The following CYP4F22 variants were observed in gnomAD, a reference collection of about 807,000 sequenced individuals.
CYP4F22 encodes the protein cytochrome P450 family 4 subfamily F member 22.
CYP4F22 carries 37 observed loss-of-function variants against 60.4 expected under a neutral mutation model. The observed-to-expected ratio is 0.61, with a 90% confidence interval of 0.47 to 0.81. The LOEUF (loss-of-function observed/expected upper bound fraction) is 0.81. Among genes scored for constraint, CYP4F22 ranks in the 30% least tolerant of loss-of-function variants. The pLI, the probability that CYP4F22 is intolerant of heterozygous loss-of-function variation, is 0.00. For missense variants in CYP4F22, 655 were observed against 715.0 expected (o/e 0.92, Z 0.96); for synonymous variants, 258 against 280.5 (o/e 0.92, Z 0.80).
At chr19:15,549,025 G>T in intron 11 of CYP4F22, 113 bp from the exon 12 acceptor site, 1 of 1,124,482 alleles carries the variant, frequency 8.9e-7, no homozygotes. Flanking sequence ...GACAGAAGGT[G>T]GTGGCAGATG....
intron 1 of CYP4F22, among the ~76,000 whole-genome samples, chr19:15,517,729 A>G (rs1599789529): frequency 6.6e-6 from 1 of 152,208 alleles, no homozygotes; most frequent in Non-Finnish European, 1.5e-5. Flanking sequence ...AGTGAAAATC[A>G]TCACACATAA....
At chr19:15,508,878 C>T (rs552034210) in intron 1 of CYP4F22, among the ~76,000 whole-genome samples, 1 of 150,688 alleles carries the variant, frequency 6.6e-6, no homozygotes, top group Admixed American at 6.6e-5. Flanking sequence ...ATCCTTTTCT[C>T]TGGGTATCTG....
At chr19:15,550,538 T>C in intron 12 of CYP4F22, 136 bp from the exon 13 acceptor site, 1 of 807,170 alleles carries the variant, frequency 1.2e-6, no homozygotes, top group East Asian at 2.6e-5. Flanking sequence ...TTGCAGGAAG[T>C]GCAAGGTGGA....
chr19:15,509,904 C>CTTTCCTTCCTTCTTTCTTTCTTTCTTT (rs1555725971), intron 1 of CYP4F22, among the ~76,000 whole-genome samples: 78 of 86,758 alleles, frequency 9.0e-4, no homozygotes, highest in Non-Finnish European at 1.2e-3. Flanking sequence ...TTCCTTCCTT[C>CTTTCCTTCCTTCTTTCTTTCTTTCTTT]CTTTCTTTCT....
chr19:15,540,744 G>GT (rs1360313794), intron 8 of CYP4F22, 27 bp downstream of exon 8: 2 of 1,467,980 alleles, frequency 1.4e-6, no homozygotes, highest in Admixed American at 2.2e-5. Context: ...TGGAATTGCT[G>GT]GCCTCCCGAG....
intron 1 of CYP4F22, among the ~76,000 whole-genome samples, chr19:15,512,259 T>C (rs905854846): frequency 1.3e-5 from 2 of 152,170 alleles, no homozygotes; most frequent in African/African-American, 4.8e-5. Flanking sequence ...CCAAGGCTGC[T>C]AACCTAGGGA....
At chr19:15,535,535 A>G (rs1311522437) in intron 4 of CYP4F22, among the ~76,000 whole-genome samples, 2 of 152,196 alleles carry the variant, frequency 1.3e-5, no homozygotes, top group Admixed American at 6.5e-5. Context: ...TCTGTTCAGT[A>G]TATAGAAGGA....
intron 4 of CYP4F22, among the ~76,000 whole-genome samples, chr19:15,536,463 G>A (rs1971395879): frequency 6.6e-6 from 1 of 152,136 alleles, no homozygotes; most frequent in African/African-American, 2.4e-5. Context: ...AAAATGGGCT[G>A]GTATGTGAGG....
At chr19:15,522,098 C>T (rs1194989116) in intron 1 of CYP4F22, among the ~76,000 whole-genome samples, 2 of 148,212 alleles carry the variant, frequency 1.3e-5, no homozygotes, top group South Asian at 4.3e-4. Flanking sequence ...TGAGCTGAGA[C>T]TGTGCCACTG....
intron 1 of CYP4F22, among the ~76,000 whole-genome samples, chr19:15,516,382 A>T (rs1490299730): frequency 6.6e-6 from 1 of 152,154 alleles, no homozygotes; most frequent in East Asian, 1.9e-4. Flanking sequence ...GAAAGTTTTA[A>T]ATTATTAGCC....
chr19:15,528,193 C>G (rs935682090), intron 3 of CYP4F22, among the ~76,000 whole-genome samples: 4 of 152,170 alleles, frequency 2.6e-5, no homozygotes, highest in Admixed American at 2.0e-4. Context: ...TGGCTCACAC[C>G]TGCAATCCCA....
chr19:15,547,018 GTTTTTTT>G (rs71176432), intron 10 of CYP4F22, among the ~76,000 whole-genome samples: 4 of 82,330 alleles, frequency 4.9e-5, no homozygotes, highest in South Asian at 5.3e-4. Flanking sequence ...GCCTGCACCA[GTTTTTTT>G]TTTTTTTTTT....
At chr19:15,513,091 G>A (rs4809195) in intron 1 of CYP4F22, among the ~76,000 whole-genome samples, 127,637 of 151,936 alleles carry the variant, frequency 0.84, 53,661 homozygotes, top group Middle Eastern at 0.93. Flanking sequence ...CAGTGTAAAC[G>A]ATGAATGGAG....
intron 2 of CYP4F22, 92 bp from the exon 3 acceptor site, chr19:15,525,244 G>A: frequency 7.8e-7 from 1 of 1,274,646 alleles, no homozygotes; most frequent in South Asian, 1.3e-5. Context: ...CACGTGTGCT[G>A]GGAACCTTCT....
chr19:15,544,304 A>T, intron 10 of CYP4F22, 25 bp downstream of exon 10: 2 of 1,609,320 alleles, frequency 1.2e-6, no homozygotes, highest in Non-Finnish European at 1.7e-6. Flanking sequence ...AGGGGAATGG[A>T]GGGGGCAGGT....
rs1274865444 is a variant in CYP4F22, at chr19:15,529,748, G to T, written c.262G>T (p.Val88Leu). The T allele has an allele frequency of 1.2e-6, 2 of 1,613,968 alleles. No individual in the cohort carries two copies. The highest frequency in any genetic ancestry group is 1.7e-6 in the Non-Finnish European group (2 of 1,180,032). The stretch of plus-strand genomic sequence containing the variant: ...GGCGGGCCTTCAAGATGAGAAGAAG[G>T]TACTGGACAACATGCACCATGTACT... ...NEAGLQDEKK[V>L]LDNMHHVLLV... is the part of the protein sequence containing the mutation. The change falls in exon 4 of 14, where the codon GTA becomes TTA. Residue 88 changes from valine (V) to leucine (L), a missense_variant. Transcript: ENST00000269703.
At chr19:15,550,824 G>A (rs1971586550) in intron 13 of CYP4F22, 68 bp downstream of exon 13, 1 of 1,573,586 alleles carries the variant, frequency 6.4e-7, no homozygotes, top group South Asian at 1.1e-5. Context: ...GATCAGGAAT[G>A]TGCCTCTCAG....
intron 12 of CYP4F22, 104 bp from the exon 13 acceptor site, chr19:15,550,570 T>G (rs1971582795): frequency 9.0e-7 from 1 of 1,113,044 alleles, no homozygotes; most frequent in South Asian, 1.2e-5. Context: ...GGCCCTGGGG[T>G]GCTCCCCATC....
At chr19:15,545,721 G>A (rs1971519154) in intron 10 of CYP4F22, among the ~76,000 whole-genome samples, 1 of 147,444 alleles carries the variant, frequency 6.8e-6, no homozygotes, top group African/African-American at 2.5e-5. Flanking sequence ...ACATTAAATA[G>A]CATCAACTCA....
Sources: allele counts gnomAD v4.1 joint callset (sites outside exome capture counted in the v4.1 genomes callset), GRCh38; gene constraint gnomAD v4.1.1; transcripts MANE v1.5; gene names NCBI Gene and HGNC (gene_info 2026-07-23, HGNC 2026-07-21).